The following ZNF385D variants were observed in gnomAD, a reference collection of about 807,000 sequenced individuals.
The protein encoded by ZNF385D is zinc finger protein 659.
A neutral mutation model predicts 35.8 loss-of-function variants in ZNF385D; 15 were observed. The observed-to-expected ratio is 0.42, with a 90% CI of 0.28 to 0.64. ZNF385D has a LOEUF of 0.64. Among genes scored for constraint, ZNF385D ranks in the 30% least tolerant of loss-of-function variants. The probability of loss-of-function intolerance (pLI) is 0.23; values close to 1 mark genes in which losing one functional copy is unlikely to be tolerated. For missense variants in ZNF385D, 474 were observed against 494.6 expected, an observed-to-expected ratio of 0.96 and a Z score of 0.39; for synonymous variants, 212 against 186.8, an observed-to-expected ratio of 1.13 and a Z score of -1.10.
At chr3:22,341,129 A>G (rs1010716167) in intron 2 of ZNF385D, among the ~76,000 whole-genome samples, 6 of 152,222 alleles carry the variant, frequency 3.9e-5, no homozygotes, top group African/African-American at 1.2e-4. Context: ...AGATTTCAAG[A>G]AAGTTTATTT....
intron 3 of ZNF385D, among the ~76,000 whole-genome samples, chr3:22,064,817 G>A (rs1004243596): frequency 2.0e-5 from 3 of 152,292 alleles, no homozygotes; most frequent in Middle Eastern, 3.4e-3. Flanking sequence ...GATGATCAAA[G>A]GGTATAAAGT....
intron 2 of ZNF385D, among the ~76,000 whole-genome samples, chr3:22,215,496 C>G (rs760632442): frequency 4.6e-5 from 7 of 151,930 alleles, no homozygotes; most frequent in Non-Finnish European, 7.4e-5. Flanking sequence ...TGAAATAAGC[C>G]CCAGTCTCCC....
At chr3:22,039,474 G>A (rs1458029461) in intron 3 of ZNF385D, among the ~76,000 whole-genome samples, 1 of 151,970 alleles carries the variant, frequency 6.6e-6, no homozygotes, top group East Asian at 1.9e-4. Flanking sequence ...TACCATTCCA[G>A]CCAAATTTTT....
chr3:21,895,010 T>C (rs1258103973), intron 3 of ZNF385D, among the ~76,000 whole-genome samples: 2 of 151,886 alleles, frequency 1.3e-5, no homozygotes. Flanking sequence ...TAAAGTGAAG[T>C]AGGAATACCA....
chr3:21,938,269 CG>C (rs2125265930), intron 3 of ZNF385D, among the ~76,000 whole-genome samples: 1 of 152,254 alleles, frequency 6.6e-6, no homozygotes, highest in South Asian at 2.1e-4. Context: ...CCCAGAAGAA[CG>C]TTTTTGTGAC....
At chr3:21,867,480 T>C (rs575150574) in intron 3 of ZNF385D, among the ~76,000 whole-genome samples, 14 of 152,128 alleles carry the variant, frequency 9.2e-5, no homozygotes, top group Non-Finnish European at 1.6e-4. Context: ...TCAAAGCAGG[T>C]TCTCCTGCTC....
intron 3 of ZNF385D, among the ~76,000 whole-genome samples, chr3:22,028,830 G>C (rs1275402563): frequency 6.6e-6 from 1 of 152,144 alleles, no homozygotes; most frequent in African/African-American, 2.4e-5. Context: ...CATTGGAATG[G>C]CCTTTGGAAG....
At position 21,927,479 on chromosome 3, in the gene ZNF385D, G is replaced by A. The variant is rs144841312; in HGVS notation, c.325+241338C>T. 2.4e-3 allele frequency among the ~76,000 whole-genome samples: 370 copies of A among 152,210 alleles called. 1 individual carries two copies. Among genetic ancestry groups the A allele is most frequent in the Non-Finnish European group, 3.9e-3 (267 of 68,014 alleles). On this transcript the variant is annotated intron_variant, in intron 3 of 5. Transcript: ENST00000494108. ...CTCGTATGTTCTTCAACTGGTAAAT[G>A]ATTAAATAAATGATAGCATATTCAC...
chr3:22,095,075 T>G (rs940473760), intron 3 of ZNF385D, among the ~76,000 whole-genome samples: 4 of 149,996 alleles, frequency 2.7e-5, no homozygotes, highest in African/African-American at 9.8e-5. Flanking sequence ...GCCCAGTTAT[T>G]TTTTCATTCT....
rs570381788 is a variant in ZNF385D, at chr3:21,987,726, G to A, written c.325+181091C>T. ...TCTGAACATTGGCCTGCCTTGCTAG[G>A]TTGGGGAAGTTCTCCTGGATAATAT... On this transcript the variant is annotated intron_variant, in intron 3 of 5. Coordinates refer to the ZNF385D transcript ENST00000494108. Among the ~76,000 whole-genome samples the A allele has an allele frequency of 3.8e-4, 55 of 145,810 alleles. 4 individuals are homozygous for A. In the South Asian group the frequency reaches 9.3e-3, roughly 25 times the overall value.
At chr3:21,790,591 A>G (rs2071887359) in intron 3 of ZNF385D, among the ~76,000 whole-genome samples, 1 of 152,200 alleles carries the variant, frequency 6.6e-6, no homozygotes, top group South Asian at 2.1e-4. Context: ...ATGTGCAGTC[A>G]GAATGCAGCT....
intron 3 of ZNF385D, among the ~76,000 whole-genome samples, chr3:21,949,160 C>A (rs1701935371): frequency 6.6e-6 from 1 of 152,102 alleles, no homozygotes; most frequent in South Asian, 2.1e-4. Context: ...TTCTTGGAAA[C>A]TTTATTTTCC....
chr3:21,719,634 G>C (rs1201732640), intron 1 of ZNF385D, among the ~76,000 whole-genome samples: 5 of 152,174 alleles, frequency 3.3e-5, no homozygotes, highest in Admixed American at 3.3e-4. Context: ...TGTGCACCCA[G>C]AGGACCACCC....
At chr3:22,318,668 A>C (rs1163763049) in intron 2 of ZNF385D, among the ~76,000 whole-genome samples, 2 of 152,196 alleles carry the variant, frequency 1.3e-5, no homozygotes, top group African/African-American at 4.8e-5. Context: ...GAATTACCCA[A>C]GATTGAGCAC....
At chr3:21,971,505 G>A (rs1703255356) in intron 3 of ZNF385D, among the ~76,000 whole-genome samples, 1 of 151,218 alleles carries the variant, frequency 6.6e-6, no homozygotes, top group Admixed American at 6.6e-5. Context: ...AGTAAAAGAT[G>A]AAAATATACC....
rs952141465 is a variant in ZNF385D at position 21,778,086 on chromosome 3, A to G, written c.326-113058T>C. Among the ~76,000 whole-genome samples the G allele has an allele frequency of 1.3e-5, 2 of 151,926 alleles. 1 individual carries two copies. Among genetic ancestry groups the G allele is most frequent in the Admixed American group, 1.3e-4 (2 of 15,238 alleles). On this transcript the variant is annotated intron_variant, in intron 3 of 5. Coordinates refer to the ZNF385D transcript ENST00000494108. ...TGTTAAACAGCAATGGCAAACTAATATAATTCCCTTAGAAGTTTTAGCAAC... is the reference window on the plus strand; with the variant it reads ...TGTTAAACAGCAATGGCAAACTAATGTAATTCCCTTAGAAGTTTTAGCAAC...
At chr3:21,887,588 C>G (rs536702195) in intron 3 of ZNF385D, among the ~76,000 whole-genome samples, 1 of 151,922 alleles carries the variant, frequency 6.6e-6, no homozygotes, top group Non-Finnish European at 1.5e-5. Context: ...GGAATTTGCT[C>G]TCATGGAAAT....
At chr3:22,362,420 T>C (rs1696454979) in intron 2 of ZNF385D, among the ~76,000 whole-genome samples, 1 of 152,120 alleles carries the variant, frequency 6.6e-6, no homozygotes, top group Non-Finnish European at 1.5e-5. Context: ...ACTGAAAAAC[T>C]GTATATTGAA....
chr3:22,042,907 A>G (rs1421734223), intron 3 of ZNF385D, among the ~76,000 whole-genome samples: 1 of 152,182 alleles, frequency 6.6e-6, no homozygotes, highest in African/African-American at 2.4e-5. Context: ...GAACTTTGCC[A>G]TCACCAAATC....
Sources: allele counts gnomAD v4.1 joint callset (sites outside exome capture counted in the v4.1 genomes callset), GRCh38; gene constraint gnomAD v4.1.1; transcripts MANE v1.5; gene names NCBI Gene and HGNC (gene_info 2026-07-23, HGNC 2026-07-21).